Variants in DAPK2 observed in about 807,000 individuals in gnomAD.
DAPK2 encodes the protein death associated protein kinase 2, also known as death-associated protein kinase 2.
A neutral mutation model predicts 44.1 loss-of-function variants in DAPK2; 35 were observed. The observed-to-expected ratio is 0.79, with a 90% CI of 0.61 to 1.05. The LOEUF is 1.05. DAPK2 is among the 50% of genes least tolerant of loss of function. The pLI is 0.00. For synonymous variants in DAPK2, 174 were observed against 182.6 expected, an observed-to-expected ratio of 0.95 and a Z score of 0.38; for missense variants, 453 against 483.2, an observed-to-expected ratio of 0.94 and a Z score of 0.59.
chr15:63,945,300 C>T (rs539409444), intron 3 of DAPK2, among the ~76,000 whole-genome samples: 66 of 152,300 alleles, frequency 4.3e-4, no homozygotes, highest in Non-Finnish European at 7.2e-4. Flanking sequence ...TGGGTGGCAG[C>T]CTTTTCCCTG....
intron 3 of DAPK2, among the ~76,000 whole-genome samples, chr15:63,962,634 T>C (rs918806422): frequency 2.0e-5 from 3 of 152,246 alleles, no homozygotes; most frequent in African/African-American, 7.2e-5. Flanking sequence ...CCTGTTTTAC[T>C]GGGTATCACC....
chr15:63,968,555 G>A (rs1360132067), intron 3 of DAPK2, among the ~76,000 whole-genome samples: 1 of 152,210 alleles, frequency 6.6e-6, no homozygotes, highest in Non-Finnish European at 1.5e-5. Flanking sequence ...CCACAACACT[G>A]TAACAAAAGT....
Position 63,912,159 on chromosome 15 carries a change from A to G in DAPK2, c.897T>C (p.Ser299=). The stretch of plus-strand genomic sequence containing the variant: ...TCCTGAAGTTCTCCAGATTGACCAC[A>G]GACTCCCTGCGCACCATGGCTTGCT... The change falls in exon 9 of 11, where the codon TCT becomes TCC. Residue 299 remains serine (S), a synonymous_variant. Coordinates refer to ENST00000261891, the Ensembl canonical transcript of DAPK2. The surrounding 1 kb of genome is among the most constrained non-coding windows in gnomAD (Gnocchi z 4.4). The G allele has an allele frequency of 1.2e-6, 2 of 1,612,686 alleles. No homozygotes were observed. The highest frequency in any genetic ancestry group is 1.7e-6 in the Non-Finnish European group (2 of 1,179,696).
In DAPK2 at chr15:63,990,825, G is replaced by C. The variant is rs1023201179; in HGVS notation, c.93-7071C>G. Among the ~76,000 whole-genome samples the C allele has an allele frequency of 1.3e-5, 2 of 152,224 alleles. No homozygotes were observed. Among genetic ancestry groups the C allele is most frequent in the Admixed American group, 6.5e-5 (1 of 15,284 alleles). On this transcript the variant is annotated intron_variant, in intron 1 of 10. Transcript: ENST00000261891. This position sits in a 1 kb window ranked among gnomAD's most constrained non-coding sequence, Gnocchi z 4.3. ...GGACCTTCAGCCAATGTGTCTCAAA[G>C]GCAGGAGCAGCTCAAAGCTGTAGTC...
intron 2 of DAPK2, among the ~76,000 whole-genome samples, chr15:63,973,219 A>C (rs1421973700): frequency 6.6e-6 from 1 of 152,166 alleles, no homozygotes; most frequent in Non-Finnish European, 1.5e-5. Context: ...TGCCAAGCAA[A>C]GCTGGTGGGT....
rs1457005897 is a variant in DAPK2, at chr15:64,013,265, C to A, written c.92+26905G>T. On this transcript the variant is annotated intron_variant, in intron 1 of 10. Coordinates refer to ENST00000261891, the Ensembl canonical transcript of DAPK2. The surrounding 1 kb of genome is among the most constrained non-coding windows in gnomAD (Gnocchi z 4.7). ...GCATGGGATTATGGAAATGGGGTAA[C>A]CTGCCATTATCTTTATACAAGGGTT... 6.6e-6 allele frequency among the ~76,000 whole-genome samples: 1 copy of A among 152,210 alleles called. No homozygotes were observed. The highest frequency in any genetic ancestry group is 1.5e-5 in the Non-Finnish European group (1 of 68,042).
intron 1 of DAPK2, among the ~76,000 whole-genome samples, chr15:64,003,015 T>TGTGG (rs71447359): frequency 7.5e-6 from 1 of 133,422 alleles, no homozygotes. Context: ...TGTGTGTGTG[T>TGTGG]CGTGGGACCA....
intron 1 of DAPK2, among the ~76,000 whole-genome samples, chr15:64,021,964 C>T (rs2079695425): frequency 6.6e-6 from 1 of 152,176 alleles, no homozygotes; most frequent in East Asian, 1.9e-4. Context: ...AAGTTGGTCA[C>T]ATCACTCAGT....
chr15:64,037,431 A>G (rs2080240328), intron 1 of DAPK2, among the ~76,000 whole-genome samples: 1 of 152,200 alleles, frequency 6.6e-6, no homozygotes, highest in Non-Finnish European at 1.5e-5. Context: ...AATCCCTTGC[A>G]GGGCATCCTT....
intron 3 of DAPK2, among the ~76,000 whole-genome samples, chr15:63,955,396 CTG>C (rs2077695315): frequency 6.6e-6 from 1 of 151,966 alleles, no homozygotes; most frequent in Admixed American, 6.6e-5. Context: ...TTCCTTAACT[CTG>C]TTGGTATAAT....
At chr15:63,963,177 G>A (rs576001031) in intron 3 of DAPK2, among the ~76,000 whole-genome samples, 10 of 152,222 alleles carry the variant, frequency 6.6e-5, no homozygotes, top group Non-Finnish European at 1.3e-4. Flanking sequence ...CTCCTGGTGT[G>A]CCGTTTGCTA....
At chr15:64,008,297 G>A (rs1412334740) in intron 1 of DAPK2, among the ~76,000 whole-genome samples, 2 of 152,124 alleles carry the variant, frequency 1.3e-5, no homozygotes. Context: ...TCTTTATGAA[G>A]CACTTTTCAT....
chr15:63,980,865 G>A lies in DAPK2; in HGVS notation c.314+2668C>T, dbSNP rs541306161. ...AACGCTTTGGGAGGCCAAGGCAGGCGGATCATCTAAGGTCAGGAGTTCGAG... is the reference window on the plus strand; with the variant it reads ...AACGCTTTGGGAGGCCAAGGCAGGCAGATCATCTAAGGTCAGGAGTTCGAG... On this transcript the variant is annotated intron_variant, in intron 2 of 10. Coordinates refer to ENST00000261891, the Ensembl canonical transcript of DAPK2. This position sits in a 1 kb window ranked among gnomAD's most constrained non-coding sequence, Gnocchi z 4.3. Among the ~76,000 whole-genome samples the A allele has an allele frequency of 1.1e-4, 17 of 152,262 alleles. No homozygotes were observed. The highest frequency in any genetic ancestry group is 1.8e-4 in the Non-Finnish European group (12 of 68,018).
chr15:63,910,783 C>A (rs1285108880), intron 10 of DAPK2: 2 of 152,158 alleles, frequency 1.3e-5, no homozygotes, highest in Non-Finnish European at 2.9e-5. Context: ...GTCTTTAACT[C>A]CTGGCCTTAA....
At chr15:63,978,950 C>T (rs1164557708) in intron 2 of DAPK2, among the ~76,000 whole-genome samples, 1 of 152,178 alleles carries the variant, frequency 6.6e-6, no homozygotes, top group Non-Finnish European at 1.5e-5. Flanking sequence ...GCACAGGCAG[C>T]GATAGGGGAA....
intron 1 of DAPK2, among the ~76,000 whole-genome samples, chr15:64,009,513 A>G (rs1465248359): frequency 6.6e-6 from 1 of 151,904 alleles, no homozygotes; most frequent in Non-Finnish European, 1.5e-5. Flanking sequence ...TCTGCTTCCC[A>G]GCAGACACAC....
chr15:63,988,507 CTTT>C (rs758617949), intron 1 of DAPK2, among the ~76,000 whole-genome samples: 7 of 141,952 alleles, frequency 4.9e-5, no homozygotes, highest in Admixed American at 7.1e-5. Context: ...CCAGCTTTTC[CTTT>C]TTTTTTTTTT....
intron 1 of DAPK2, among the ~76,000 whole-genome samples, chr15:63,997,144 A>G (rs2078971177): frequency 1.3e-5 from 2 of 151,994 alleles, no homozygotes; most frequent in Admixed American, 1.3e-4. Context: ...ACCACCCCCA[A>G]TTAGCAACTC....
In DAPK2 at chr15:63,983,766, C is replaced by G. The variant is rs371918929; in HGVS notation, c.93-12G>C. The G allele has an allele frequency of 1.9e-6, 3 of 1,607,092 alleles. No homozygotes were observed. The highest frequency in any genetic ancestry group is 2.7e-5 in the African/African-American group (2 of 74,898). ...TGGCAAACTGGCCACTGTGGGGACACAGACCCACAAGATTAGGTCATCACT... is the reference window on the plus strand; with the variant it reads ...TGGCAAACTGGCCACTGTGGGGACAGAGACCCACAAGATTAGGTCATCACT... On this transcript the variant is annotated splice_polypyrimidine_tract_variant and intron_variant, in intron 1 of 10. Coordinates refer to ENST00000261891, the Ensembl canonical transcript of DAPK2.
Sources: allele counts gnomAD v4.1 joint callset (sites outside exome capture counted in the v4.1 genomes callset), GRCh38; gene constraint gnomAD v4.1.1; non-coding constraint Gnocchi (gnomAD v3.1); transcripts MANE v1.5; gene names NCBI Gene and HGNC (gene_info 2026-07-23, HGNC 2026-07-21).